The following SEC24A variants were observed in gnomAD, a reference collection of about 807,000 sequenced individuals.
The protein encoded by SEC24A is protein transport protein Sec24A.
A neutral mutation model predicts 129.4 loss-of-function variants in SEC24A; 93 were observed. The observed-to-expected ratio is 0.72, with a 90% CI of 0.61 to 0.85. The LOEUF (loss-of-function observed/expected upper bound fraction) is 0.85, where lower values mean the gene tolerates loss of function less well. Ranked by LOEUF, SEC24A falls within the 40% of genes least tolerant of loss-of-function variation. The pLI is 0.00. For synonymous variants in SEC24A, 460 were observed against 467.3 expected (o/e 0.98, Z 0.20); for missense variants, 1,264 against 1,307.4 (o/e 0.97, Z 0.51).
At chr5:134,723,698 G>T (rs1351933703) in intron 22 of SEC24A, 28 bp downstream of exon 22, 1 of 1,391,522 alleles carries the variant, frequency 7.2e-7, no homozygotes, top group Admixed American at 1.7e-5. Flanking sequence ...TTTGCTAGTA[G>T]TAAAACAATT....
chr5:134,706,331 A>G (rs1175486164), intron 17 of SEC24A, among the ~76,000 whole-genome samples: 1 of 152,196 alleles, frequency 6.6e-6, no homozygotes, highest in Admixed American at 6.5e-5. Context: ...TTGCAGCCAA[A>G]TCATGTGAGC....
chr5:134,725,028 CAG>C lies in SEC24A; in HGVS notation c.3218_3219del (p.Arg1073AsnfsTer9). On this transcript the variant is annotated frameshift_variant, in exon 23 of 23. Coordinates refer to ENST00000398844, the MANE Select transcript of SEC24A (RefSeq NM_021982.3). LOFTEE classifies it high-confidence loss of function. ...ANFLQNMIED[R>X]TESALSYYEF... is the part of the protein sequence containing the mutation. ...ACTTCCTTCAAAACATGATAGAAGA[CAG>C]AACAGAATCTGCATTATCATATTAT... is the stretch of plus-strand genomic sequence containing the variant. The C allele has an allele frequency of 6.2e-7, 1 of 1,610,000 alleles. No individual in the cohort carries two copies. The highest frequency in any genetic ancestry group is 8.5e-7 in the Non-Finnish European group (1 of 1,177,096).
At chr5:134,675,241 T>G in intron 6 of SEC24A, 24 bp downstream of exon 6, 1 of 1,577,844 alleles carries the variant, frequency 6.3e-7, no homozygotes, top group Non-Finnish European at 8.7e-7. Context: ...TGTGACATTA[T>G]GCATGTCCGA....
intron 18 of SEC24A, among the ~76,000 whole-genome samples, chr5:134,710,517 G>A (rs1752293595): frequency 6.6e-6 from 1 of 152,158 alleles, no homozygotes; most frequent in South Asian, 2.1e-4. Context: ...ACAGCCGTGA[G>A]CCACCATGCC....
intron 2 of SEC24A, among the ~76,000 whole-genome samples, chr5:134,664,943 C>T (rs1465026884): frequency 6.6e-6 from 1 of 151,418 alleles, no homozygotes; most frequent in East Asian, 2.0e-4. Flanking sequence ...GGATTACAGG[C>T]ATGCGCCACC....
intron 13 of SEC24A, among the ~76,000 whole-genome samples, chr5:134,696,041 C>T (rs545733143): frequency 6.1e-4 from 93 of 151,530 alleles, no homozygotes; most frequent in African/African-American, 2.1e-3. Flanking sequence ...CCGAGGCAGG[C>T]GGATCATCTA....
Position 134,724,019 on chromosome 5 carries a change from A to T in SEC24A, c.3167+349A>T, listed in dbSNP as rs569558303. On this transcript the variant is annotated intron_variant, in intron 22 of 22. Transcript: ENST00000398844. ...TTGCCTATTTTAAAATATACAATAC[A>T]TCATTATTAACCATAGTCATCATAC... Among the ~76,000 whole-genome samples the T allele has an allele frequency of 1.9e-4, 29 of 152,324 alleles. No homozygotes were observed. The South Asian group carries it at 2.5e-3, about 13-fold the overall frequency.
chr5:134,653,051 C>T (rs763562877), intron 1 of SEC24A, among the ~76,000 whole-genome samples: 5 of 151,672 alleles, frequency 3.3e-5, no homozygotes, highest in East Asian at 1.9e-4. Flanking sequence ...GTGATCTGCC[C>T]GCCTCTGCCT....
At chr5:134,660,536 C>T (rs1323871945) in intron 1 of SEC24A, among the ~76,000 whole-genome samples, 1 of 151,152 alleles carries the variant, frequency 6.6e-6, no homozygotes, top group East Asian at 1.9e-4. Flanking sequence ...ATTGAGACAT[C>T]TCTGTATTCC....
chr5:134,719,381 C>CAAAAAAAA (rs34242727), intron 20 of SEC24A, among the ~76,000 whole-genome samples: 1 of 61,492 alleles, frequency 1.6e-5, no homozygotes. Context: ...TACCTAGTCT[C>CAAAAAAAA]AAAAAAAAAA....
At chr5:134,692,055 T>A (rs918930075) in intron 11 of SEC24A, among the ~76,000 whole-genome samples, 12 of 147,780 alleles carry the variant, frequency 8.1e-5, no homozygotes, top group Admixed American at 7.5e-4. Context: ...TTTTTTTCTT[T>A]CCTTTTTTTT....
chr5:134,727,186 T>C lies in SEC24A; in HGVS notation c.*2092T>C, dbSNP rs995929398. ...TCCCCCAATAGGGCACTACCTGCCA[T>C]ATCATCTTGTATTACTTTTTGATGT... is the stretch of plus-strand genomic sequence containing the variant. On this transcript the variant is annotated 3_prime_UTR_variant, in exon 23 of 23. Transcript: ENST00000398844. 2 of 152,570 alleles carry C rather than the reference T, an allele frequency of 1.3e-5. No individual in the cohort carries two copies. Among genetic ancestry groups the C allele is most frequent in the Non-Finnish European group, 2.9e-5 (2 of 67,998 alleles). 9.5% of individuals were successfully genotyped at this position (152,570 alleles called of 1,614,324 possible).
chr5:134,705,064 T>A (rs1014674149), intron 16 of SEC24A, among the ~76,000 whole-genome samples: 8 of 128,090 alleles, frequency 6.2e-5, no homozygotes, highest in Admixed American at 3.3e-4. Context: ...TTATTTATAT[T>A]TATATTTATA....
At chr5:134,652,955 C>A (rs1384565540) in intron 1 of SEC24A, among the ~76,000 whole-genome samples, 5 of 151,754 alleles carry the variant, frequency 3.3e-5, no homozygotes, top group East Asian at 3.9e-4. Context: ...CCACCACACC[C>A]GGCTAATTTT....
At chr5:134,660,611 A>G (rs914449427) in intron 1 of SEC24A, among the ~76,000 whole-genome samples, 1 of 148,714 alleles carries the variant, frequency 6.7e-6, no homozygotes, top group Non-Finnish European at 1.5e-5. Context: ...GCTGGAGTGC[A>G]ATGGTGTGAC....
At chr5:134,654,542 T>A (rs77664580) in intron 1 of SEC24A, among the ~76,000 whole-genome samples, 1,724 of 151,964 alleles carry the variant, frequency 0.011, 36 homozygotes, top group African/African-American at 0.039. Flanking sequence ...TAAGTCTTTG[T>A]GTATACATAT....
chr5:134,663,156 T>A (rs1011779997), intron 2 of SEC24A, among the ~76,000 whole-genome samples: 5 of 152,262 alleles, frequency 3.3e-5, no homozygotes, highest in African/African-American at 1.2e-4. Context: ...GCAATCCTAG[T>A]GTCATCAAAC....
At chr5:134,718,273 A>T in intron 20 of SEC24A, 100 bp downstream of exon 20, 1 of 834,094 alleles carries the variant, frequency 1.2e-6, no homozygotes, top group Non-Finnish European at 2.0e-6. Context: ...TCCTGAACAG[A>T]TTTCATATTT....
intron 2 of SEC24A, among the ~76,000 whole-genome samples, chr5:134,666,465 G>C (rs1417565394): frequency 1.3e-5 from 2 of 152,170 alleles, no homozygotes; most frequent in Non-Finnish European, 2.9e-5. Context: ...GCTGAGGCAG[G>C]GGAAGCTCTT....
Sources: allele counts gnomAD v4.1 joint callset (sites outside exome capture counted in the v4.1 genomes callset), GRCh38; gene constraint gnomAD v4.1.1; transcripts MANE v1.5; gene names NCBI Gene and HGNC (gene_info 2026-07-23, HGNC 2026-07-21).